TRIM66: variants seen among roughly 807,000 people sequenced by gnomAD.
The protein encoded by TRIM66 is tripartite motif-containing protein 66.
Under a neutral mutation model 148.2 loss-of-function variants are expected in TRIM66, and 99 were observed. The observed-to-expected ratio is 0.67, with a 90% CI of 0.57 to 0.79. The LOEUF is 0.79. TRIM66 is among the 30% of genes least tolerant of loss of function. The pLI is 0.00. For missense variants in TRIM66, 1,666 were observed against 1,697.9 expected (o/e 0.98, Z 0.33); for synonymous variants, 616 against 635.9 (o/e 0.97, Z 0.47).
upstream of TRIM66, chr11:8,682,745 G>T: frequency 6.2e-7 from 1 of 1,608,076 alleles, no homozygotes; most frequent in South Asian, 1.1e-5. Flanking sequence ...GAGGCGTTTT[G>T]CCCCGCCCCC....
At chr11:8,659,431 G>T (rs1200497797) in intron 6 of TRIM66, among the ~76,000 whole-genome samples, 1 of 152,178 alleles carries the variant, frequency 6.6e-6, no homozygotes, top group Non-Finnish European at 1.5e-5. Context: ...AGCAAATTAG[G>T]ATGTTGGGGC....
At chr11:8,618,122 T>C in intron 24 of TRIM66, 119 bp from the exon 25 acceptor site, 5 of 998,308 alleles carry the variant, frequency 5.0e-6, no homozygotes, top group Non-Finnish European at 7.5e-6. Context: ...ACCCTAGGAA[T>C]GCAGCAGTAA....
At position 8,641,099 on chromosome 11, in the gene TRIM66, C is replaced by A; in HGVS notation, c.1276G>T (p.Gly426Ter). ...QMSRADAPAY[G>*]GLQGSSPFYQ... ...AAGGGTGATGACCCCTGTAAGCCTC[C>A]ATAAGCAGGAGCATCTGCCCTGGAC... The change falls in exon 14 of 25, where the codon GGA becomes TGA. Residue 426 changes from glycine to a stop codon, truncating the protein, a stop_gained. Coordinates refer to ENST00000646038, the MANE Select transcript of TRIM66 (RefSeq NM_001388022.1). LOFTEE classifies it high-confidence loss of function. The A allele has an allele frequency of 6.4e-7, 1 of 1,551,690 alleles. No individual in the cohort carries two copies. The highest frequency in any genetic ancestry group is 1.2e-5 in the South Asian group (1 of 84,060).
chr11:8,618,147 A>T lies in TRIM66; in HGVS notation c.4120-144T>A, dbSNP rs1565466539. 4.7e-6 allele frequency: 4 copies of T among 842,244 alleles called. 1 individual carries two copies. Among genetic ancestry groups the T allele is most frequent in the Non-Finnish European group, 7.5e-6 (4 of 532,644 alleles). The allele number at this position is 842,244 out of a possible 1,614,324, so 52.2% of individuals were successfully genotyped here. The stretch of plus-strand genomic sequence containing the variant: ...TGCAGCAGTAAAACTTACTGAAGCC[A>T]CTAAACATTGTATGCTAAGTATGGT... On this transcript the variant is annotated intron_variant, in intron 24 of 24. Coordinates refer to ENST00000646038, the MANE Select transcript of TRIM66 (RefSeq NM_001388022.1).
Position 8,671,791 on chromosome 11 carries a change from G to T in TRIM66, c.335C>A (p.Ala112Glu). The stretch of plus-strand genomic sequence containing the variant: ...TGTGGTGCCTTTGTACTTACCATCT[G>T]CAACAGTCTCATGAGCCTTGGCAAT... ...GQIAKAHETVADELISCPGCE... is the reference protein window; with the variant it reads ...GQIAKAHETVEDELISCPGCE... The change falls in exon 6 of 25, where the codon GCA becomes GAA. Residue 112 changes from alanine (A) to glutamate (E), a missense_variant. By Grantham distance (107) the Ala-to-Glu change is moderately radical (BLOSUM62 -1). Around this residue, in one of 3 missense-constraint regions of TRIM66, gnomAD observed 1,431 missense variants for 1,412.4 expected, o/e 1.01. Transcript: ENST00000646038. The T allele has an allele frequency of 7.5e-7, 1 of 1,340,284 alleles. No individual in the cohort carries two copies. Among genetic ancestry groups the T allele is most frequent in the Non-Finnish European group, 1.0e-6 (1 of 968,030 alleles). The allele number at this position is 1,340,284 out of a possible 1,614,324, so 83.0% of individuals were successfully genotyped here.
intron 6 of TRIM66, among the ~76,000 whole-genome samples, chr11:8,664,135 C>T (rs2038436164): frequency 6.6e-6 from 1 of 152,146 alleles, no homozygotes; most frequent in Non-Finnish European, 1.5e-5. Context: ...GTAAAGTGTT[C>T]TCACCACCAA....
intron 15 of TRIM66, among the ~76,000 whole-genome samples, chr11:8,626,721 C>G (rs1446231312): frequency 6.6e-6 from 1 of 152,182 alleles, no homozygotes; most frequent in Admixed American, 6.5e-5. Context: ...CATAAAACCC[C>G]GCAGTGCGCT....
intron 4 of TRIM66, among the ~76,000 whole-genome samples, chr11:8,673,263 G>A (rs2039029745): frequency 6.6e-6 from 1 of 151,938 alleles, no homozygotes; most frequent in Non-Finnish European, 1.5e-5. Context: ...TTAAGCTGAG[G>A]TCCACACACA....
chr11:8,618,129 G>A lies in TRIM66; in HGVS notation c.4120-126C>T. The A allele has an allele frequency of 5.3e-6, 5 of 947,276 alleles. No homozygotes were observed. The South Asian group carries it at 7.5e-5, about 14-fold the overall frequency. 58.7% of individuals were successfully genotyped at this position (947,276 alleles called of 1,614,324 possible). A position where few individuals can be genotyped will look rare whatever the true frequency, so the allele number is the denominator to read the frequency against. ...TTTATTCTACCCTAGGAATGCAGCA[G>A]TAAAACTTACTGAAGCCACTAAACA... On this transcript the variant is annotated intron_variant, in intron 24 of 24. Transcript: ENST00000646038.
chr11:8,642,176 G>C (rs2036453992), intron 13 of TRIM66, among the ~76,000 whole-genome samples: 1 of 152,152 alleles, frequency 6.6e-6, no homozygotes, highest in Non-Finnish European at 1.5e-5. Flanking sequence ...ATTTTGGTGA[G>C]ACTTACTTAG....
chr11:8,652,032 A>G (rs1288510034), intron 6 of TRIM66, 129 bp from the exon 7 acceptor site: 1 of 687,272 alleles, frequency 1.5e-6, no homozygotes, highest in African/African-American at 1.8e-5. Context: ...AATGAACTAC[A>G]CTTGATGCCA....
rs145587315 is a variant in TRIM66, at chr11:8,624,903, T to G, written c.2636A>C (p.Gln879Pro). The stretch of plus-strand genomic sequence containing the variant: ...ACCAGACATTAGGCTGGGCCCAGCC[T>G]GAGGGTGATCACTTGCCAGGCTTGC... ...AMASLASDHP[Q>P]AGPSLMSGHT... The change falls in exon 16 of 25, where the codon CAG becomes CCG. Residue 879 changes from glutamine (Q) to proline (P), a missense_variant. Transcript: ENST00000646038. 2,634 of 1,551,668 alleles carry G rather than the reference T, an allele frequency of 1.7e-3. 37 individuals are homozygous for G. In the East Asian group the frequency reaches 0.034, roughly 20 times the overall value.
intron 1 of TRIM66, chr11:8,680,968 G>A (rs1249389779): frequency 6.6e-6 from 1 of 152,182 alleles, no homozygotes; most frequent in African/African-American, 2.4e-5. Context: ...AGTCCAATTT[G>A]GCAATTCGTT....
intron 6 of TRIM66, among the ~76,000 whole-genome samples, chr11:8,670,347 C>T (rs900979119): frequency 6.6e-6 from 1 of 152,136 alleles, no homozygotes; most frequent in Non-Finnish European, 1.5e-5. Context: ...TCTCCTTCCA[C>T]CCTCCACCCT....
At chr11:8,649,113 C>A (rs761939759) in intron 8 of TRIM66, among the ~76,000 whole-genome samples, 1 of 152,144 alleles carries the variant, frequency 6.6e-6, no homozygotes, top group African/African-American at 2.4e-5. Context: ...CCAAGGTGGG[C>A]GGATCACCTG....
chr11:8,631,327 G>A (rs1368512725), intron 15 of TRIM66, among the ~76,000 whole-genome samples: 2 of 152,148 alleles, frequency 1.3e-5, no homozygotes, highest in African/African-American at 2.4e-5. Flanking sequence ...ATATTGCTGG[G>A]GATAAAGTAA....
At chr11:8,618,342 C>A (rs2033868990) in intron 24 of TRIM66, among the ~76,000 whole-genome samples, 1 of 152,216 alleles carries the variant, frequency 6.6e-6, no homozygotes, top group Non-Finnish European at 1.5e-5. Flanking sequence ...CTTACCTACA[C>A]CAAGGGGCTA....
chr11:8,613,636 A>ACT lies in TRIM66; in HGVS notation c.*4307_*4308insAG, dbSNP rs1328682262. On this transcript the variant is annotated 3_prime_UTR_variant, in exon 25 of 25. Transcript: ENST00000646038. ...GGTAACCAGTGGAGACAGAGGCTGG[A>ACT]GACTCCAGGGAGTGGGAGCAGTGGA... The ACT allele has an allele frequency of 1.3e-5, 2 of 152,420 alleles. No individual in the cohort carries two copies. The highest frequency in any genetic ancestry group is 2.9e-5 in the Non-Finnish European group (2 of 68,176). 9.4% of individuals were successfully genotyped at this position (152,420 alleles called of 1,614,324 possible).
At position 8,617,933 on chromosome 11, in the gene TRIM66, C is replaced by CGAGA. The variant is rs2033826273; in HGVS notation, c.*10_*11insTCTC. ...CAACAGCTGCCAGAGTGCCCAGTCT[C>CGAGA]CTTTTGGCTCTCACACCTGAGAGAT... On this transcript the variant is annotated 3_prime_UTR_variant, in exon 25 of 25. Transcript: ENST00000646038. 1 of 1,551,498 alleles carries CGAGA rather than the reference C, an allele frequency of 6.4e-7. No individual in the cohort carries two copies. The highest frequency in any genetic ancestry group is 8.7e-7 in the Non-Finnish European group (1 of 1,146,936).
Sources: allele counts gnomAD v4.1 joint callset (sites outside exome capture counted in the v4.1 genomes callset), GRCh38; gene constraint gnomAD v4.1.1; regional missense constraint gnomAD v4.1.1; transcripts MANE v1.5; gene names NCBI Gene and HGNC (gene_info 2026-07-23, HGNC 2026-07-21).